Variants in LUZP2 observed in about 807,000 individuals in gnomAD.
The protein encoded by LUZP2 is leucine zipper protein 2.
LUZP2 carries 52 observed loss-of-function variants against 51.6 expected under a neutral mutation model. The observed-to-expected ratio is 1.01, with a 90% confidence interval of 0.81 to 1.27. The LOEUF (loss-of-function observed/expected upper bound fraction) is 1.27, where lower values mean the gene tolerates loss of function less well. LUZP2 is among the 50% of genes most tolerant of loss of function. LUZP2 has a pLI of 0.00. For synonymous variants in LUZP2, 154 were observed against 137.3 expected (o/e 1.12, Z -0.85); for missense variants, 436 against 395.4 (o/e 1.10, Z -0.87).
chr11:24,841,651 G>A (rs1317650809), intron 5 of LUZP2, among the ~76,000 whole-genome samples: 1 of 150,748 alleles, frequency 6.6e-6, no homozygotes, highest in Non-Finnish European at 1.5e-5. Context: ...ATTCCAAAGG[G>A]CAAACAAATA....
At chr11:24,690,870 G>C (rs989208246) in intron 1 of LUZP2, among the ~76,000 whole-genome samples, 7 of 151,970 alleles carry the variant, frequency 4.6e-5, no homozygotes, top group African/African-American at 1.7e-4. Flanking sequence ...ATTTTTGAAA[G>C]ATACAGAACC....
chr11:24,760,763 C>A lies in LUZP2; in HGVS notation c.334-2483C>A, dbSNP rs565457692. Reference sequence around the variant, plus strand: ...ATGAGGCTGTTAGGTGGTACTGGAACTATTGCAGCTCTTGAAGATGTCAGA... The same window carrying A: ...ATGAGGCTGTTAGGTGGTACTGGAAATATTGCAGCTCTTGAAGATGTCAGA... On this transcript the variant is annotated intron_variant, in intron 4 of 11. Transcript: ENST00000336930. Among the ~76,000 whole-genome samples, 3 of 152,280 alleles carry A rather than the reference C, an allele frequency of 2.0e-5. No homozygotes were observed. The South Asian group carries it at 6.2e-4, about 32-fold the overall frequency.
chr11:24,698,650 G>C (rs1392737301), intron 1 of LUZP2, among the ~76,000 whole-genome samples: 1 of 152,160 alleles, frequency 6.6e-6, no homozygotes, highest in African/African-American at 2.4e-5. Flanking sequence ...TGTTTCTGCT[G>C]TATAATTGTT....
intron 1 of LUZP2, among the ~76,000 whole-genome samples, chr11:24,713,071 G>A (rs1463681380): frequency 6.6e-6 from 1 of 152,042 alleles, no homozygotes; most frequent in East Asian, 1.9e-4. Flanking sequence ...CAATGTCTCT[G>A]GGAGATTCTC....
chr11:24,693,502 C>A (rs1466192098), intron 1 of LUZP2, among the ~76,000 whole-genome samples: 1 of 151,694 alleles, frequency 6.6e-6, no homozygotes, highest in East Asian at 1.9e-4. Flanking sequence ...TAAAAGGAAA[C>A]TAAATCTATG....
At chr11:24,883,447 T>C (rs1263140317) in intron 5 of LUZP2, among the ~76,000 whole-genome samples, 1 of 151,902 alleles carries the variant, frequency 6.6e-6, no homozygotes, top group Non-Finnish European at 1.5e-5. Flanking sequence ...TGCCACTCCA[T>C]GGGAATTTTC....
chr11:25,043,837 T>G (rs1207945075), intron 9 of LUZP2, among the ~76,000 whole-genome samples: 1 of 147,424 alleles, frequency 6.8e-6, no homozygotes, highest in Non-Finnish European at 1.5e-5. Context: ...TGCAGTGTGC[T>G]TTTTGCTTTT....
chr11:25,047,094 C>T (rs2134017026), intron 9 of LUZP2, among the ~76,000 whole-genome samples: 1 of 152,042 alleles, frequency 6.6e-6, no homozygotes, highest in African/African-American at 2.4e-5. Flanking sequence ...TGAAATTGTC[C>T]CTTGCCTGTT....
intron 5 of LUZP2, 61 bp downstream of exon 5, chr11:24,763,369 A>G: frequency 1.3e-6 from 1 of 769,414 alleles, no homozygotes; most frequent in Non-Finnish European, 1.9e-6. Context: ...ATAAATGCAC[A>G]TATAAAGTTG....
intron 5 of LUZP2, among the ~76,000 whole-genome samples, chr11:24,853,300 TG>T (rs1851450744): frequency 6.6e-6 from 1 of 152,092 alleles, no homozygotes; most frequent in Non-Finnish European, 1.5e-5. Context: ...TTTGCTTGTC[TG>T]TAAAGGATTT....
chr11:24,868,228 G>T (rs999621885), intron 5 of LUZP2, among the ~76,000 whole-genome samples: 3 of 7,502 alleles, frequency 4.0e-4, no homozygotes, highest in African/African-American at 8.3e-4. Flanking sequence ...CCTGTGTAAA[G>T]ACAGAGATAA....
chr11:24,555,572 G>A (rs1441679306), intron 1 of LUZP2, among the ~76,000 whole-genome samples: 2 of 152,122 alleles, frequency 1.3e-5, no homozygotes, highest in African/African-American at 2.4e-5. Context: ...TTAGTTCTTA[G>A]CACCTAATTA....
At chr11:25,012,894 G>A (rs1483206789) in intron 9 of LUZP2, among the ~76,000 whole-genome samples, 1 of 152,030 alleles carries the variant, frequency 6.6e-6, no homozygotes, top group Non-Finnish European at 1.5e-5. Flanking sequence ...GGAAAAGAAA[G>A]AGATATATCA....
chr11:24,910,110 C>T (rs768890099), intron 6 of LUZP2, among the ~76,000 whole-genome samples: 2 of 152,026 alleles, frequency 1.3e-5, no homozygotes, highest in African/African-American at 2.4e-5. Flanking sequence ...GCATTTTGCC[C>T]CTGCCCTAGA....
intron 7 of LUZP2, among the ~76,000 whole-genome samples, chr11:24,964,878 T>C (rs1855536116): frequency 6.6e-6 from 1 of 151,940 alleles, no homozygotes; most frequent in Non-Finnish European, 1.5e-5. Context: ...CAATGCATGG[T>C]ATAAAAGGAA....
At chr11:24,965,507 A>T (rs1254728250) in intron 7 of LUZP2, among the ~76,000 whole-genome samples, 1 of 151,744 alleles carries the variant, frequency 6.6e-6, no homozygotes, top group Non-Finnish European at 1.5e-5. Flanking sequence ...TGAATAAATT[A>T]TTTGTTTTTG....
intron 1 of LUZP2, among the ~76,000 whole-genome samples, chr11:24,573,880 A>T (rs1475369990): frequency 1.3e-5 from 2 of 151,094 alleles, no homozygotes; most frequent in African/African-American, 2.4e-5. Context: ...TTATTTTTTT[A>T]ATTTTATTAT....
At chr11:24,938,575 AT>A (rs36004881) in intron 7 of LUZP2, among the ~76,000 whole-genome samples, 74,985 of 150,332 alleles carry the variant, frequency 0.5, 18,945 homozygotes, top group East Asian at 0.83. Context: ...AGCTCTGTGG[AT>A]TTTTTTTTTT....
At chr11:24,991,376 ATGTGTGTG>A (rs745691448) in intron 9 of LUZP2, among the ~76,000 whole-genome samples, 2 of 126,214 alleles carry the variant, frequency 1.6e-5, no homozygotes, top group East Asian at 4.8e-4. Flanking sequence ...GTGTATATAT[ATGTGTGTG>A]TGTGTGTGTG....
Sources: gnomAD v4.1 joint callset for allele counts (sites outside exome capture counted in the v4.1 genomes callset) on GRCh38, gnomAD v4.1.1 for gene constraint, MANE v1.5 for transcripts, NCBI Gene and HGNC (gene_info 2026-07-23, HGNC 2026-07-21) for gene names.